Variants in RPGRIP1L observed in about 807,000 individuals in gnomAD.
RPGRIP1L encodes RPGRIP1 like.
In RPGRIP1L, 131 loss-of-function variants were observed where a neutral mutation model predicts 160.4. The ratio of observed to expected loss-of-function variants is 0.82; its 90% confidence interval spans 0.71 to 0.94. RPGRIP1L has a LOEUF of 0.94. Among genes scored for constraint, RPGRIP1L ranks in the 40% least tolerant of loss-of-function variants. The pLI, the probability that RPGRIP1L is intolerant of heterozygous loss-of-function variation, is 0.00. For synonymous variants in RPGRIP1L, 510 were observed against 515.8 expected (o/e 0.99, Z 0.15); for missense variants, 1,522 against 1,535.8 (o/e 0.99, Z 0.15).
chr16:53,700,481 A>G (rs1971308191), intron 2 of RPGRIP1L, among the ~76,000 whole-genome samples, 158 bp downstream of exon 2: 1 of 152,244 alleles, frequency 6.6e-6, no homozygotes, highest in Admixed American at 6.5e-5. Flanking sequence ...GTAGTAAAAT[A>G]CCATATGTGT....
chr16:53,695,697 C>G (rs1050060870), intron 3 of RPGRIP1L: 3 of 439,164 alleles, frequency 6.8e-6, no homozygotes, highest in Non-Finnish European at 1.2e-5. Flanking sequence ...TAGTATAACC[C>G]AAGCAAAGTT....
chr16:53,686,282 G>A, intron 6 of RPGRIP1L, 151 bp downstream of exon 6: 1 of 836,724 alleles, frequency 1.2e-6, no homozygotes, highest in Non-Finnish European at 1.9e-6. Context: ...CTTGACAGCA[G>A]TTAGTAGGTC....
At chr16:53,650,154 AC>A (rs1966840066) in intron 15 of RPGRIP1L, among the ~76,000 whole-genome samples, 1 of 152,256 alleles carries the variant, frequency 6.6e-6, no homozygotes, top group Admixed American at 6.5e-5. Flanking sequence ...TACGAGTAGG[AC>A]CTTTAAGAGG....
At chr16:53,647,562 T>C (rs906705319) in intron 16 of RPGRIP1L, among the ~76,000 whole-genome samples, 13 of 152,208 alleles carry the variant, frequency 8.5e-5, no homozygotes, top group African/African-American at 2.7e-4. Flanking sequence ...AGAATCTGAT[T>C]GGCTCAACTG....
At chr16:53,631,078 C>T (rs1398164115) in intron 22 of RPGRIP1L, among the ~76,000 whole-genome samples, 2 of 152,160 alleles carry the variant, frequency 1.3e-5, no homozygotes, top group Non-Finnish European at 2.9e-5. Context: ...GCTTAAGCTT[C>T]CACATGTAAA....
At chr16:53,684,736 T>C (rs889339195) in intron 6 of RPGRIP1L, among the ~76,000 whole-genome samples, 12 of 149,742 alleles carry the variant, frequency 8.0e-5, no homozygotes, top group Non-Finnish European at 1.8e-4. Flanking sequence ...AAACTTAAAG[T>C]ATAATAATAA....
intron 6 of RPGRIP1L, among the ~76,000 whole-genome samples, chr16:53,675,563 T>C (rs1969090725): frequency 6.6e-6 from 1 of 152,204 alleles, no homozygotes; most frequent in African/African-American, 2.4e-5. Flanking sequence ...TTCATCTTTC[T>C]ACAACTCTCT....
chr16:53,648,975 G>A lies in RPGRIP1L; in HGVS notation c.2293C>T (p.His765Tyr). ...CCAAATGAGCTTACCGACTGCATAT[G>A]CTCTGGCCCCTTAAAATTTGATGTT... ...YITSNFKGPE[H>Y]MQSLSQQAPK... Residue 765 changes from histidine to tyrosine, a missense_variant, in exon 16 of 27, where the codon CAT (histidine) becomes TAT (tyrosine). His to Tyr is a moderately conservative substitution (Grantham distance 83, BLOSUM62 2). Transcript: ENST00000647211. 2 of 1,613,866 alleles carry A rather than the reference G, an allele frequency of 1.2e-6. No individual in the cohort carries two copies. Among genetic ancestry groups the A allele is most frequent in the South Asian group, 1.1e-5 (1 of 91,080 alleles).
intron 24 of RPGRIP1L, among the ~76,000 whole-genome samples, chr16:53,618,705 G>A (rs1189560419): frequency 1.3e-5 from 2 of 151,954 alleles, no homozygotes; most frequent in Non-Finnish European, 2.9e-5. Context: ...CACCATGCCC[G>A]GCTAATTTTT....
chr16:53,647,239 C>T (rs776847700), intron 16 of RPGRIP1L, among the ~76,000 whole-genome samples: 3 of 152,170 alleles, frequency 2.0e-5, no homozygotes, highest in South Asian at 2.1e-4. Flanking sequence ...ATATTAGTCA[C>T]GCTTCTTTAA....
chr16:53,625,844 C>T (rs1340113257), intron 22 of RPGRIP1L, among the ~76,000 whole-genome samples: 1 of 152,054 alleles, frequency 6.6e-6, no homozygotes, highest in African/African-American at 2.4e-5. Context: ...AACCTCACCC[C>T]CAACCCCGTG....
intron 22 of RPGRIP1L, among the ~76,000 whole-genome samples, chr16:53,625,361 C>T (rs1430759607): frequency 2.0e-5 from 3 of 149,784 alleles, no homozygotes; most frequent in Non-Finnish European, 4.5e-5. Flanking sequence ...GGAGCGCCTC[C>T]GCCCGGCCGC....
At chr16:53,625,425 GGGGGT>G (rs1039426630) in intron 22 of RPGRIP1L, among the ~76,000 whole-genome samples, 2 of 149,426 alleles carry the variant, frequency 1.3e-5, no homozygotes, top group Non-Finnish European at 1.5e-5. Context: ...GCCCCGTCTG[GGGGGT>G]GGGGTGGGGG....
intron 24 of RPGRIP1L, among the ~76,000 whole-genome samples, chr16:53,613,290 C>A (rs1054628012): frequency 6.6e-6 from 1 of 151,740 alleles, no homozygotes; most frequent in East Asian, 2.0e-4. Flanking sequence ...CTAGACCATA[C>A]GGGTCATTCT....
At chr16:53,653,604 T>A (rs1240127707) in intron 14 of RPGRIP1L, 1 of 152,566 alleles carries the variant, frequency 6.6e-6, no homozygotes, top group Non-Finnish European at 1.5e-5. Context: ...CTTTACTACA[T>A]TTGACACTGA....
chr16:53,681,205 C>G (rs964257716), intron 6 of RPGRIP1L, among the ~76,000 whole-genome samples: 5 of 152,142 alleles, frequency 3.3e-5, no homozygotes, highest in African/African-American at 1.2e-4. Flanking sequence ...GTCAGAGTGT[C>G]TGAGATACTT....
In RPGRIP1L at chr16:53,637,748, C is replaced by T; in HGVS notation, c.3167G>A (p.Ser1056Asn). 2 of 1,612,648 alleles carry T rather than the reference C, an allele frequency of 1.2e-6. No individual in the cohort carries two copies. The highest frequency in any genetic ancestry group is 1.7e-6 in the Non-Finnish European group (2 of 1,179,796). Residue 1056 changes from serine to asparagine, a missense_variant, in exon 21 of 27, where the codon AGC (serine) becomes AAC (asparagine). Coordinates refer to ENST00000647211, the MANE Select transcript of RPGRIP1L (RefSeq NM_015272.5). Reference sequence around the variant, plus strand: ...TGTTTCATCTTCAGAAGATGCCAAGCTTTGTTCTGCAAGCTGACCTTCAGA... The same window carrying T: ...TGTTTCATCTTCAGAAGATGCCAAGTTTTGTTCTGCAAGCTGACCTTCAGA... ...LLSEGQLAEQ[S>N]LASSEDETEI...
Position 53,672,990 on chromosome 16 carries a change from G to A in RPGRIP1L, c.909C>T (p.His303=), listed in dbSNP as rs1313242175. The change falls in exon 8 of 27, where the codon CAC becomes CAT. Residue 303 remains histidine, a synonymous_variant. Transcript: ENST00000647211. ...QEKQRTLRIS[H]DALMANGDEL... is the part of the protein sequence containing the mutation. ...CATCCCCATTTGCCATCAAAGCATC[G>A]TGGCTGATTCTGAGAGTTCTTTGCT... The A allele has an allele frequency of 5.0e-6, 8 of 1,612,980 alleles. No individual in the cohort carries two copies. Among genetic ancestry groups the A allele is most frequent in the Non-Finnish European group, 6.8e-6 (8 of 1,179,542 alleles).
chr16:53,667,949 T>C (rs1223790340), intron 9 of RPGRIP1L, among the ~76,000 whole-genome samples: 2 of 152,032 alleles, frequency 1.3e-5, no homozygotes, highest in Middle Eastern at 6.3e-3. Flanking sequence ...TCCTAGCTAC[T>C]TGGGAGGCTG....
Sources: gnomAD v4.1 joint callset for allele counts (sites outside exome capture counted in the v4.1 genomes callset) on GRCh38, gnomAD v4.1.1 for gene constraint, MANE v1.5 for transcripts, NCBI Gene and HGNC (gene_info 2026-07-23, HGNC 2026-07-21) for gene names.